MGST2: variants seen among roughly 807,000 people sequenced by gnomAD.
MGST2 encodes microsomal glutathione S-transferase 2, also known as glutathione peroxidase MGST2.
Under a neutral mutation model 16.6 loss-of-function variants are expected in MGST2, and 9 were observed. The ratio of observed to expected loss-of-function variants is 0.54; its 90% CI spans 0.33 to 0.95. MGST2 has a LOEUF of 0.95. MGST2 is among the 40% of genes least tolerant of loss of function. MGST2 has a pLI of 0.03. For synonymous variants in MGST2, 79 were observed against 68.0 expected (o/e 1.16, Z -0.79); for missense variants, 159 against 175.1 (o/e 0.91, Z 0.52).
chr4:139,696,080 A>C (rs1726904343), intron 3 of MGST2, among the ~76,000 whole-genome samples: 1 of 152,226 alleles, frequency 6.6e-6, no homozygotes, highest in Non-Finnish European at 1.5e-5. Context: ...ATAAGTAAGA[A>C]CAAATATTTA....
At chr4:139,732,967 G>T (rs1173811588) in intron 5 of MGST2, among the ~76,000 whole-genome samples, 1 of 152,172 alleles carries the variant, frequency 6.6e-6, no homozygotes, top group East Asian at 1.9e-4. Context: ...ACTAAAAAAT[G>T]CCAGGAACCT....
intron 5 of MGST2, chr4:139,719,372 G>A (rs532270255): frequency 1.2e-6 from 2 of 1,611,578 alleles, no homozygotes; most frequent in Non-Finnish European, 1.7e-6. Context: ...CTCGTCCCCT[G>A]GCCCGCCTTT....
At chr4:139,725,613 T>G (rs73854337) in intron 5 of MGST2, 10,214 of 858,532 alleles carry the variant, frequency 0.012, 469 homozygotes, top group African/African-American at 0.12. Flanking sequence ...TGGTTAGTAC[T>G]CTTAACCTAC....
chr4:139,700,877 G>T (rs998756488), intron 3 of MGST2, among the ~76,000 whole-genome samples: 2 of 152,122 alleles, frequency 1.3e-5, no homozygotes, highest in African/African-American at 4.8e-5. Flanking sequence ...TCTCATTTTG[G>T]TCTATACTTG....
intron 5 of MGST2, among the ~76,000 whole-genome samples, chr4:139,726,860 G>A (rs1287536156): frequency 1.3e-5 from 2 of 152,154 alleles, no homozygotes; most frequent in Non-Finnish European, 2.9e-5. Context: ...TGTGCAAAGG[G>A]AAAGAAAATA....
chr4:139,748,426 T>C, the MGST2 span, among the ~76,000 whole-genome samples: 4 of 152,146 alleles, frequency 2.6e-5, no homozygotes, highest in Non-Finnish European at 5.9e-5. Flanking sequence ...GAGCTCAGAT[T>C]GAGAACCAAC....
intron 5 of MGST2, chr4:139,731,130 C>T (rs1206757758): frequency 6.0e-6 from 1 of 166,896 alleles, no homozygotes; most frequent in Non-Finnish European, 1.3e-5. Flanking sequence ...CAGAAAACTG[C>T]AGGAATTTGT....
downstream of MGST2, among the ~76,000 whole-genome samples, chr4:139,706,707 TTAAACACGTGGAAATAA>T (rs1727532482): frequency 6.6e-6 from 1 of 152,150 alleles, no homozygotes; most frequent in Admixed American, 6.6e-5. Context: ...CACACTTTGG[TTAAACACGTGGAAATAA>T]GCTATGGGTG....
At chr4:139,709,071 A>AT (rs377191495), downstream of MGST2, among the ~76,000 whole-genome samples, 121 of 82,034 alleles carry the variant, frequency 1.5e-3, 1 homozygote, top group African/African-American at 5.0e-3. Context: ...AATGGAAAAA[A>AT]TTTTTTTTTT....
chr4:139,697,921 T>C (rs8192109), intron 3 of MGST2, among the ~76,000 whole-genome samples: 9,911 of 152,032 alleles, frequency 0.065, 429 homozygotes, highest in East Asian at 0.096. Flanking sequence ...CTTGCATTAA[T>C]GCTTTACGTC....
At chr4:139,730,801 A>G (rs1728675695) in intron 5 of MGST2, 1 of 758,210 alleles carries the variant, frequency 1.3e-6, no homozygotes, top group Non-Finnish European at 2.1e-6. Flanking sequence ...AGTGGCACGC[A>G]TTGCATTTCC....
At chr4:139,738,309 T>A (rs550412418) in intron 5 of MGST2, among the ~76,000 whole-genome samples, 4 of 152,182 alleles carry the variant, frequency 2.6e-5, no homozygotes, top group South Asian at 4.1e-4. Flanking sequence ...TTTGAGAGGC[T>A]AAGGCGGGTG....
At chr4:139,731,375 G>T (rs1330413016) in intron 5 of MGST2, 2 of 141,666 alleles carry the variant, frequency 1.4e-5, no homozygotes, top group Admixed American at 7.8e-5. Flanking sequence ...CAGTACTTTG[G>T]GTGGATCACG....
chr4:139,731,103 A>G (rs987460253), intron 5 of MGST2: 15 of 167,290 alleles, frequency 9.0e-5, no homozygotes, highest in Admixed American at 2.3e-4. Context: ...CTTCTTTGCA[A>G]GTAGGAGGGA....
At position 139,704,007 on chromosome 4, in the gene MGST2, A is replaced by C. The variant is rs1280725281; in HGVS notation, c.312-9A>C. 1 of 1,613,754 alleles carries C rather than the reference A, an allele frequency of 6.2e-7. No individual in the cohort carries two copies. Among genetic ancestry groups the C allele is most frequent in the Non-Finnish European group, 8.5e-7 (1 of 1,179,942 alleles). On this transcript the variant is annotated splice_polypyrimidine_tract_variant and intron_variant, in intron 4 of 4. Transcript: ENST00000265498. Reference sequence around the variant, plus strand: ...TTTGTCACTTTTCTCCCTCATGTCCACTCTGCAGGATCACCGGTTTCCGAC... The same window carrying C: ...TTTGTCACTTTTCTCCCTCATGTCCCCTCTGCAGGATCACCGGTTTCCGAC...
At chr4:139,710,431 G>A (rs1727691623) in intron 5 of MGST2, among the ~76,000 whole-genome samples, 1 of 152,136 alleles carries the variant, frequency 6.6e-6, no homozygotes, top group Admixed American at 6.5e-5. Flanking sequence ...CATTCATCCA[G>A]TGCCAAACGA....
intron 2 of MGST2, among the ~76,000 whole-genome samples, chr4:139,690,338 C>T (rs1257200875): frequency 2.0e-5 from 3 of 151,488 alleles, no homozygotes; most frequent in Non-Finnish European, 4.4e-5. Flanking sequence ...GATGAGGTCT[C>T]ACTGTGTTGC....
At chr4:139,703,171 C>T (rs1243264811) in intron 3 of MGST2, among the ~76,000 whole-genome samples, 3 of 151,256 alleles carry the variant, frequency 2.0e-5, no homozygotes, top group Non-Finnish European at 4.4e-5. Flanking sequence ...AGTGATTCAC[C>T]CCCCCTCGGC....
chr4:139,706,952 T>G (rs1034668609), downstream of MGST2, among the ~76,000 whole-genome samples: 1 of 152,194 alleles, frequency 6.6e-6, no homozygotes, highest in African/African-American at 2.4e-5. Context: ...AATTTTATTT[T>G]TAGAAATCAG....
Sources: allele counts gnomAD v4.1 joint callset (sites outside exome capture counted in the v4.1 genomes callset), GRCh38; gene constraint gnomAD v4.1.1; transcripts MANE v1.5; gene names NCBI Gene and HGNC (gene_info 2026-07-23, HGNC 2026-07-21).